The following ABCC9 variants were observed in gnomAD, a reference collection of about 807,000 sequenced individuals.
ABCC9 encodes ATP binding cassette subfamily C member 9, also known as ATP-binding cassette sub-family C member 9.
ABCC9 carries 95 observed loss-of-function variants against 188.3 expected under a neutral mutation model. The ratio of observed to expected loss-of-function variants is 0.50; its 90% confidence interval spans 0.43 to 0.60. The LOEUF (loss-of-function observed/expected upper bound fraction) is 0.60, where lower values mean the gene tolerates loss of function less well. ABCC9 is among the 20% of genes least tolerant of loss of function. ABCC9 has a pLI of 0.00. For synonymous variants in ABCC9, 659 were observed against 652.7 expected (o/e 1.01, Z -0.15); for missense variants, 1,102 against 1,876.3 (o/e 0.59, Z 7.62).
chr12:21,841,263 A>G (rs1845788605), intron 29 of ABCC9, among the ~76,000 whole-genome samples: 1 of 152,098 alleles, frequency 6.6e-6, no homozygotes, highest in South Asian at 2.1e-4. Context: ...GTAAATGACA[A>G]ATCCTAAACG....
In ABCC9 at chr12:21,848,527, G is replaced by A. The variant is rs149009716; in HGVS notation, c.2770-281C>T. Among the ~76,000 whole-genome samples, 498 of 152,218 alleles carry A rather than the reference G, an allele frequency of 3.3e-3. 9 individuals are homozygous for A. Among genetic ancestry groups the A allele is most frequent in the Admixed American group, 0.028 (432 of 15,280 alleles). ...TCCAGAAGCAGGGTGATATCTCCCT[G>A]AGCCCTAAAGCATATTTCTACCATT... On this transcript the variant is annotated intron_variant, in intron 24 of 39. Transcript: ENST00000261200.
At chr12:21,873,586 G>T (rs529110681) in intron 17 of ABCC9, among the ~76,000 whole-genome samples, 1 of 152,042 alleles carries the variant, frequency 6.6e-6, no homozygotes, top group Non-Finnish European at 1.5e-5. Flanking sequence ...CATATGGAAA[G>T]AGTAGACCCC....
At chr12:21,934,494 AAGCAAGCTCAAAACCATTAT>A (rs1409693975) in intron 3 of ABCC9, among the ~76,000 whole-genome samples, 4 of 152,218 alleles carry the variant, frequency 2.6e-5, no homozygotes, top group African/African-American at 9.6e-5. Flanking sequence ...ATGAGCTTTT[AAGCAAGCTCAAAACCATTAT>A]AGGTCCACCG....
intron 35 of ABCC9, 131 bp downstream of exon 35, chr12:21,814,513 G>T: frequency 1.3e-6 from 1 of 766,332 alleles, no homozygotes; most frequent in Non-Finnish European, 2.3e-6. Context: ...TGGGATATCT[G>T]CCTTGAACCA....
At chr12:21,869,186 CT>C (rs1473701724) in intron 18 of ABCC9, among the ~76,000 whole-genome samples, 3 of 152,124 alleles carry the variant, frequency 2.0e-5, no homozygotes, top group Non-Finnish European at 2.9e-5. Context: ...AAGGCAAATG[CT>C]CATAAAAAGA....
At chr12:21,907,652 C>A (rs1948107399) in intron 11 of ABCC9, among the ~76,000 whole-genome samples, 1 of 151,950 alleles carries the variant, frequency 6.6e-6, no homozygotes, top group South Asian at 2.1e-4. Flanking sequence ...CTCCATAGAT[C>A]CTCACATGCT....
intron 3 of ABCC9, among the ~76,000 whole-genome samples, chr12:21,935,384 G>T (rs1365825260): frequency 6.6e-6 from 1 of 152,054 alleles, no homozygotes; most frequent in Non-Finnish European, 1.5e-5. Context: ...TATGTACCAA[G>T]AATTATGTTG....
intron 12 of ABCC9, among the ~76,000 whole-genome samples, chr12:21,904,881 A>G (rs1308275327): frequency 2.6e-5 from 4 of 152,210 alleles, no homozygotes; most frequent in Admixed American, 2.6e-4. Flanking sequence ...TGATTCCTCA[A>G]GGATCTAGAA....
intron 12 of ABCC9, among the ~76,000 whole-genome samples, chr12:21,895,815 C>T (rs1037054194): frequency 6.6e-6 from 1 of 152,166 alleles, no homozygotes; most frequent in African/African-American, 2.4e-5. Flanking sequence ...ATCCTGGACT[C>T]TCTGCGTGTC....
In ABCC9 at chr12:21,879,258, G is replaced by A. The variant is rs137933868; in HGVS notation, c.2019+3508C>T. On this transcript the variant is annotated intron_variant, in intron 16 of 39. Coordinates refer to ENST00000261200, the MANE Select transcript of ABCC9 (RefSeq NM_020297.4). ...CATTAGAGCTGGTTCTATAATGATG[G>A]GGGTAGGAGGTATGTATATTGGGGA... Among the ~76,000 whole-genome samples, 1,218 of 152,256 alleles carry A rather than the reference G, an allele frequency of 8.0e-3. 7 individuals carry two copies. The highest frequency in any genetic ancestry group is 0.013 in the Admixed American group (195 of 15,290).
intron 2 of ABCC9, among the ~76,000 whole-genome samples, chr12:21,938,736 T>C (rs954471485): frequency 6.6e-6 from 1 of 152,202 alleles, no homozygotes; most frequent in Non-Finnish European, 1.5e-5. Flanking sequence ...AAATATAACC[T>C]GCTGCTTTGC....
intron 31 of ABCC9, among the ~76,000 whole-genome samples, chr12:21,820,647 C>A (rs1157460059): frequency 1.3e-5 from 2 of 152,138 alleles, no homozygotes; most frequent in Non-Finnish European, 2.9e-5. Flanking sequence ...TCCAACCACA[C>A]TAGCCTTTTT....
At chr12:21,884,989 G>T (rs1252181783) in intron 15 of ABCC9, among the ~76,000 whole-genome samples, 1 of 151,968 alleles carries the variant, frequency 6.6e-6, no homozygotes, top group Non-Finnish European at 1.5e-5. Context: ...TAACATTATT[G>T]CCCCCACAGG....
chr12:21,818,391 A>G (rs1473547483), intron 31 of ABCC9, 140 bp from the exon 32 acceptor site: 4 of 710,054 alleles, frequency 5.6e-6, no homozygotes, highest in Non-Finnish European at 1.0e-5. Context: ...AGAATACCTA[A>G]GATGTAGAAG....
At chr12:21,931,316 C>T (rs959892022) in intron 4 of ABCC9, among the ~76,000 whole-genome samples, 7 of 151,922 alleles carry the variant, frequency 4.6e-5, no homozygotes, top group African/African-American at 1.2e-4. Flanking sequence ...TTGTTTGCTT[C>T]CCTTTCTGCC....
intron 39 of ABCC9, among the ~76,000 whole-genome samples, chr12:21,804,268 C>T (rs1392193984): frequency 1.3e-5 from 2 of 152,194 alleles, no homozygotes; most frequent in Non-Finnish European, 2.9e-5. Context: ...GGAAACCTAA[C>T]ATTTTGTTAA....
intron 20 of ABCC9, among the ~76,000 whole-genome samples, 175 bp from the exon 21 acceptor site, chr12:21,861,230 C>CATTTTTTTTTTTTT (rs1350257236): frequency 6.8e-6 from 1 of 146,668 alleles, no homozygotes. Context: ...ACTTCCCCCC[C>CATTTTTTTTTTTTT]CTTTTTTTTT....
intron 31 of ABCC9, among the ~76,000 whole-genome samples, chr12:21,822,835 C>T (rs1458154964): frequency 6.6e-6 from 1 of 150,416 alleles, no homozygotes; most frequent in African/African-American, 2.4e-5. Flanking sequence ...CCGATGTTCA[C>T]TTCTTTTACT....
At chr12:21,859,514 AC>A in intron 22 of ABCC9, 71 bp downstream of exon 22, 1 of 1,439,384 alleles carries the variant, frequency 6.9e-7, no homozygotes, top group South Asian at 1.1e-5. Flanking sequence ...TACTTGACTT[AC>A]ACCTTTTTAA....
Sources: allele counts gnomAD v4.1 joint callset (sites outside exome capture counted in the v4.1 genomes callset), GRCh38; gene constraint gnomAD v4.1.1; transcripts MANE v1.5; gene names NCBI Gene and HGNC (gene_info 2026-07-23, HGNC 2026-07-21).